The following POU2F3 variants were observed in gnomAD, a reference collection of about 807,000 sequenced individuals.
POU2F3 encodes POU domain, class 2, transcription factor 3.
A neutral mutation model predicts 59.2 loss-of-function variants in POU2F3; 23 were observed. The observed-to-expected ratio is 0.39, with a 90% CI of 0.28 to 0.55. The LOEUF is 0.55. Among genes scored for constraint, POU2F3 ranks in the 20% least tolerant of loss-of-function variants. The pLI, the probability that POU2F3 is intolerant of heterozygous loss-of-function variation, is 0.66. For synonymous variants in POU2F3, 190 were observed against 214.6 expected (o/e 0.89, Z 1.00); for missense variants, 473 against 544.5 (o/e 0.87, Z 1.31).
At chr11:120,276,411 GT>G (rs1940327126) in intron 3 of POU2F3, among the ~76,000 whole-genome samples, 1 of 152,154 alleles carries the variant, frequency 6.6e-6, no homozygotes, top group Non-Finnish European at 1.5e-5. Context: ...GAGCCTCAGG[GT>G]AGTGGGTCCA....
At chr11:120,286,411 A>G (rs1940783637) in intron 3 of POU2F3, among the ~76,000 whole-genome samples, 1 of 152,228 alleles carries the variant, frequency 6.6e-6, no homozygotes, top group African/African-American at 2.4e-5. Flanking sequence ...GGCGGGCCAG[A>G]GCACGGTGTA....
intron 5 of POU2F3, chr11:120,301,252 G>T (rs1402048171): frequency 2.9e-6 from 1 of 346,656 alleles, no homozygotes. Flanking sequence ...TAATAGCAAG[G>T]CTCTGCCTCA....
intron 2 of POU2F3, chr11:120,253,803 C>G (rs1053451315): frequency 3.3e-5 from 5 of 152,306 alleles, no homozygotes; most frequent in Non-Finnish European, 7.3e-5. Flanking sequence ...AAGTCTCTTT[C>G]CTGTGGCCTC....
chr11:120,241,808 G>A (rs1014272278), intron 1 of POU2F3, among the ~76,000 whole-genome samples: 2 of 152,166 alleles, frequency 1.3e-5, no homozygotes, highest in African/African-American at 2.4e-5. Flanking sequence ...GGAAGTGGGA[G>A]GGGGTGGGAC....
intron 10 of POU2F3, among the ~76,000 whole-genome samples, chr11:120,314,310 G>A (rs573807965): frequency 2.0e-5 from 3 of 152,182 alleles, no homozygotes; most frequent in Admixed American, 6.5e-5. Flanking sequence ...TAGCCTTTGC[G>A]AACACCTGGT....
At chr11:120,317,539 G>T (rs956653217) in intron 12 of POU2F3, among the ~76,000 whole-genome samples, 175 bp downstream of exon 12, 7 of 152,232 alleles carry the variant, frequency 4.6e-5, no homozygotes, top group Non-Finnish European at 2.9e-5. Flanking sequence ...AGGGAGTGGA[G>T]ATTTTAAAAA....
chr11:120,296,535 C>T (rs1941197327), intron 3 of POU2F3, among the ~76,000 whole-genome samples: 1 of 152,060 alleles, frequency 6.6e-6, no homozygotes, highest in Admixed American at 6.5e-5. Flanking sequence ...AGTTATTTTT[C>T]CTGATCCTCT....
intron 3 of POU2F3, among the ~76,000 whole-genome samples, chr11:120,294,653 T>C (rs543695561): frequency 1.3e-5 from 2 of 152,354 alleles, no homozygotes; most frequent in African/African-American, 4.8e-5. Context: ...TCAGGAAGGC[T>C]TTATTTCTTA....
chr11:120,242,214 C>A (rs764989176), intron 1 of POU2F3, among the ~76,000 whole-genome samples: 32 of 152,198 alleles, frequency 2.1e-4, no homozygotes, highest in Non-Finnish European at 7.3e-5. Context: ...TTCAGTGGCA[C>A]CTCCAGAGGT....
At chr11:120,251,060 T>C (rs1047262352) in intron 2 of POU2F3, among the ~76,000 whole-genome samples, 1 of 152,130 alleles carries the variant, frequency 6.6e-6, no homozygotes, top group Non-Finnish European at 1.5e-5. Flanking sequence ...CTTGAACTCC[T>C]ATGCTCAAGT....
At chr11:120,263,686 G>A (rs1289221961) in intron 2 of POU2F3, among the ~76,000 whole-genome samples, 1 of 152,230 alleles carries the variant, frequency 6.6e-6, no homozygotes, top group Non-Finnish European at 1.5e-5. Flanking sequence ...GCTATGTGTG[G>A]CCTCAGGAAG....
chr11:120,300,964 A>C (rs1941331827), intron 5 of POU2F3: 1 of 452,166 alleles, frequency 2.2e-6, no homozygotes, highest in African/African-American at 2.0e-5. Flanking sequence ...TTGAATTTTT[A>C]AGTGTTTATT....
chr11:120,296,310 G>A (rs1159087266), intron 3 of POU2F3, among the ~76,000 whole-genome samples: 1 of 152,200 alleles, frequency 6.6e-6, no homozygotes, highest in African/African-American at 2.4e-5. Context: ...CTATGTGAAA[G>A]GCACCATATT....
intron 5 of POU2F3, chr11:120,302,048 G>A (rs1302909473): frequency 8.2e-6 from 4 of 490,542 alleles, no homozygotes; most frequent in Non-Finnish European, 1.5e-5. Flanking sequence ...TGGAAGGACT[G>A]GTTTGGGGAC....
chr11:120,307,476 C>A lies in POU2F3; in HGVS notation c.770-3C>A. 1 of 1,614,016 alleles carries A rather than the reference C, an allele frequency of 6.2e-7. No individual in the cohort carries two copies. The highest frequency in any genetic ancestry group is 8.5e-7 in the Non-Finnish European group (1 of 1,179,914). On this transcript the variant is annotated splice_polypyrimidine_tract_variant and splice_region_variant and intron_variant, in intron 8 of 12. Coordinates refer to ENST00000543440, the MANE Select transcript of POU2F3 (RefSeq NM_014352.4). ...CTTCCTCTGGTCCTTCGTGTCCCTGCAGAGTCCTCTCCGTCAGACCCCTCA... is the reference window on the plus strand; with the variant it reads ...CTTCCTCTGGTCCTTCGTGTCCCTGAAGAGTCCTCTCCGTCAGACCCCTCA...
chr11:120,283,159 G>C (rs1394203086), intron 3 of POU2F3, among the ~76,000 whole-genome samples: 3 of 152,308 alleles, frequency 2.0e-5, no homozygotes, highest in African/African-American at 4.8e-5. Context: ...TGAAGACAAG[G>C]AGTCCCTCCC....
In POU2F3 at chr11:120,292,634, C is replaced by A. The variant is rs138767612; in HGVS notation, c.133-5631C>A. Among the ~76,000 whole-genome samples the A allele has an allele frequency of 7.3e-3, 1,118 of 152,314 alleles. 5 individuals carry two copies. Among genetic ancestry groups the A allele is most frequent in the Non-Finnish European group, 0.012 (848 of 68,020 alleles). ...GTCCTCTTTTCTACCAGGTAGGCCA[C>A]CAAAAGAACGAGCAGATGCTGGCTC... On this transcript the variant is annotated intron_variant, in intron 3 of 12. Coordinates refer to ENST00000543440, the MANE Select transcript of POU2F3 (RefSeq NM_014352.4).
At chr11:120,245,230 G>A (rs115917627) in intron 1 of POU2F3, among the ~76,000 whole-genome samples, 93 of 152,202 alleles carry the variant, frequency 6.1e-4, no homozygotes, top group African/African-American at 8.7e-4. Context: ...ACCTCGGCCG[G>A]AGCCACACAC....
At chr11:120,276,047 A>G (rs1940304297) in intron 3 of POU2F3, among the ~76,000 whole-genome samples, 1 of 152,162 alleles carries the variant, frequency 6.6e-6, no homozygotes, top group African/African-American at 2.4e-5. Flanking sequence ...AGGTTTCTTC[A>G]GGGAGGCCAG....
Sources: allele counts gnomAD v4.1 joint callset (sites outside exome capture counted in the v4.1 genomes callset), GRCh38; gene constraint gnomAD v4.1.1; transcripts MANE v1.5; gene names NCBI Gene and HGNC (gene_info 2026-07-23, HGNC 2026-07-21).